The following ZBTB7C variants were observed in gnomAD, a reference collection of about 807,000 sequenced individuals.
The protein encoded by ZBTB7C is zinc finger and BTB domain-containing protein 7C.
Under a neutral mutation model 25.7 loss-of-function variants are expected in ZBTB7C, and 8 were observed. The observed-to-expected ratio is 0.31, with a 90% confidence interval of 0.18 to 0.56. The LOEUF (loss-of-function observed/expected upper bound fraction) is 0.56, where lower values mean the gene tolerates loss of function less well. Among genes scored for constraint, ZBTB7C ranks in the 20% least tolerant of loss-of-function variants. The pLI, the probability that ZBTB7C is intolerant of heterozygous loss-of-function variation, is 0.91. For synonymous variants in ZBTB7C, 394 were observed against 369.0 expected, an observed-to-expected ratio of 1.07 and a Z score of -0.78; for missense variants, 824 against 855.2, an observed-to-expected ratio of 0.96 and a Z score of 0.46.
chr18:48,143,749 C>T (rs1016877845), intron 3 of ZBTB7C, among the ~76,000 whole-genome samples: 7 of 152,190 alleles, frequency 4.6e-5, no homozygotes, highest in African/African-American at 1.7e-4. Context: ...ATCATCTTGA[C>T]CTGTTGGCCT....
intron 2 of ZBTB7C, among the ~76,000 whole-genome samples, chr18:48,333,515 T>C (rs138206761): frequency 1.1e-3 from 166 of 152,304 alleles, no homozygotes; most frequent in African/African-American, 3.8e-3. Context: ...TTAAAAGAAC[T>C]GCACTGGGTC....
intron 1 of ZBTB7C, among the ~76,000 whole-genome samples, chr18:48,341,028 G>A (rs1458342666): frequency 6.6e-6 from 1 of 152,144 alleles, no homozygotes; most frequent in Non-Finnish European, 1.5e-5. Context: ...GCCCCCTTCA[G>A]TACCACAGTG....
intron 3 of ZBTB7C, among the ~76,000 whole-genome samples, chr18:48,178,585 C>T (rs2041765565): frequency 6.6e-6 from 1 of 152,176 alleles, no homozygotes; most frequent in Non-Finnish European, 1.5e-5. Flanking sequence ...GGACATGTGG[C>T]AGAATATGTT....
At chr18:48,197,219 A>G (rs1240373138) in intron 2 of ZBTB7C, among the ~76,000 whole-genome samples, 1 of 152,220 alleles carries the variant, frequency 6.6e-6, no homozygotes, top group African/African-American at 2.4e-5. Context: ...GGAACTAGGG[A>G]CCAGATCAAA....
chr18:48,261,250 T>C (rs1287544150), intron 2 of ZBTB7C, among the ~76,000 whole-genome samples: 4 of 152,306 alleles, frequency 2.6e-5, no homozygotes, highest in African/African-American at 9.6e-5. Flanking sequence ...GTCAGCATTA[T>C]TATACCCTGC....
intron 3 of ZBTB7C, among the ~76,000 whole-genome samples, chr18:48,073,933 C>G (rs1362539151): frequency 6.6e-6 from 1 of 152,224 alleles, no homozygotes; most frequent in South Asian, 2.1e-4. Context: ...GGGCAAAGGC[C>G]CTGTCCCTGC....
chr18:48,150,794 G>A (rs1241801342), intron 3 of ZBTB7C: 1 of 152,152 alleles, frequency 6.6e-6, no homozygotes, highest in Non-Finnish European at 1.5e-5. Context: ...CAAATTTGAA[G>A]TCCCTGATAA....
At chr18:48,240,159 C>A (rs1433974808) in intron 2 of ZBTB7C, among the ~76,000 whole-genome samples, 1 of 151,416 alleles carries the variant, frequency 6.6e-6, no homozygotes, top group Non-Finnish European at 1.5e-5. Context: ...CCCAATCCAA[C>A]AAAGAAAAAA....
In ZBTB7C at chr18:48,315,110, T is replaced by C. The variant is rs144109741; in HGVS notation, c.-79+23064A>G. Among the ~76,000 whole-genome samples the C allele has an allele frequency of 2.3e-3, 344 of 152,170 alleles. 1 individual carries two copies. Among genetic ancestry groups the C allele is most frequent in the African/African-American group, 7.7e-3 (320 of 41,502 alleles). On this transcript the variant is annotated intron_variant, in intron 2 of 4. Coordinates refer to ENST00000590800, the MANE Select transcript of ZBTB7C (RefSeq NM_001318841.2). Reference sequence around the variant, plus strand: ...AGTGCCAATTAGAGTTGGGACAAAATGTGTGTGATTTCAGAAGCCAGGGGA... The same window carrying C: ...AGTGCCAATTAGAGTTGGGACAAAACGTGTGTGATTTCAGAAGCCAGGGGA...
intron 3 of ZBTB7C, among the ~76,000 whole-genome samples, chr18:48,098,902 G>A (rs1345469467): frequency 6.6e-6 from 1 of 152,172 alleles, no homozygotes; most frequent in Non-Finnish European, 1.5e-5. Flanking sequence ...TTTGTAAACA[G>A]GTAAATGAAG....
At chr18:48,211,646 G>A (rs1347422280) in intron 2 of ZBTB7C, among the ~76,000 whole-genome samples, 2 of 152,168 alleles carry the variant, frequency 1.3e-5, no homozygotes, top group East Asian at 3.8e-4. Context: ...AGACACTACT[G>A]CATACCTATT....
intron 3 of ZBTB7C, chr18:48,041,373 AC>A (rs1462700286): frequency 2.0e-6 from 2 of 985,252 alleles, no homozygotes; most frequent in Non-Finnish European, 1.2e-6. Flanking sequence ...TCAGCTACTC[AC>A]CAAAGGCTGC....
chr18:48,300,154 TG>T (rs1272247499), intron 2 of ZBTB7C, among the ~76,000 whole-genome samples: 2 of 152,188 alleles, frequency 1.3e-5, no homozygotes, highest in African/African-American at 2.4e-5. Context: ...ATCAGTGTCA[TG>T]AAGATGCCTG....
At chr18:48,037,106 C>T (rs1266146007) in intron 4 of ZBTB7C, among the ~76,000 whole-genome samples, 2 of 152,326 alleles carry the variant, frequency 1.3e-5, no homozygotes, top group African/African-American at 4.8e-5. Context: ...CTGCCTTTCC[C>T]CAGCTCGGGG....
intron 2 of ZBTB7C, among the ~76,000 whole-genome samples, chr18:48,282,616 AC>A (rs1316203081): frequency 6.6e-6 from 1 of 152,186 alleles, no homozygotes; most frequent in Non-Finnish European, 1.5e-5. Flanking sequence ...ATGCCCACCT[AC>A]AATAAGATGC....
chr18:48,318,522 C>T (rs2046007494), intron 2 of ZBTB7C, among the ~76,000 whole-genome samples: 1 of 152,200 alleles, frequency 6.6e-6, no homozygotes, highest in Non-Finnish European at 1.5e-5. Flanking sequence ...GGCTGTTCCT[C>T]ACACTAGGAG....
chr18:48,040,126 C>A lies in ZBTB7C; in HGVS notation c.982G>T (p.Glu328Ter). The change falls in exon 4 of 5, where the codon GAG becomes TAG. Residue 328 changes from glutamate to a stop codon, truncating the protein, a stop_gained. Transcript: ENST00000590800. LOFTEE classifies it high-confidence loss of function. ...TTGAGATAGGCACCGTAGTCGTTCT[C>A]CGCCTTGATGGGTCCCAGAGGCCCC... The part of the protein sequence containing the change: ...PGGPLGPIKA[E>*]NDYGAYLNFL... The A allele has an allele frequency of 6.3e-7, 1 of 1,595,166 alleles. No individual in the cohort carries two copies. Among genetic ancestry groups the A allele is most frequent in the Non-Finnish European group, 8.5e-7 (1 of 1,170,566 alleles).
intron 1 of ZBTB7C, among the ~76,000 whole-genome samples, chr18:48,372,550 G>A (rs148729653): frequency 1.3e-5 from 2 of 152,280 alleles, no homozygotes; most frequent in East Asian, 1.9e-4. Flanking sequence ...AAACCTTGAC[G>A]TGGGTTAAGC....
chr18:48,306,193 C>T (rs543287871), intron 2 of ZBTB7C, among the ~76,000 whole-genome samples: 2 of 152,298 alleles, frequency 1.3e-5, no homozygotes, highest in South Asian at 4.1e-4. Context: ...CTTTAATGGG[C>T]TGAGGGTGGG....
Sources: allele counts gnomAD v4.1 joint callset (sites outside exome capture counted in the v4.1 genomes callset), GRCh38; gene constraint gnomAD v4.1.1; transcripts MANE v1.5; gene names NCBI Gene and HGNC (gene_info 2026-07-23, HGNC 2026-07-21).